The following ASPRV1 variants were observed in gnomAD, a reference collection of about 807,000 sequenced individuals.
The protein encoded by ASPRV1 is aspartic peptidase retroviral like 1.
ASPRV1 carries 7 observed loss-of-function variants against 11.0 expected under a neutral mutation model. That is an observed-to-expected ratio of 0.64 (90% CI 0.36 to 1.20). The LOEUF (loss-of-function observed/expected upper bound fraction) is 1.20. Ranked by LOEUF, ASPRV1 falls within the 50% of genes most tolerant of loss-of-function variation. ASPRV1 has a pLI of 0.02. For missense variants in ASPRV1, 299 were observed against 320.0 expected, an observed-to-expected ratio of 0.93 and a Z score of 0.50; for synonymous variants, 136 against 138.4, an observed-to-expected ratio of 0.98 and a Z score of 0.12.
At chr2:70,022,360 C>T in the ASPRV1 span, among the ~76,000 whole-genome samples, 1 of 89,108 alleles carries the variant, frequency 1.1e-5, no homozygotes, top group Non-Finnish European at 1.9e-5. Flanking sequence ...CACACACACA[C>T]TTACACACAC....
chr2:70,011,125 G>A, the ASPRV1 span, among the ~76,000 whole-genome samples: 2 of 151,962 alleles, frequency 1.3e-5, no homozygotes, highest in Admixed American at 6.6e-5. Context: ...GGTGGGGGGT[G>A]TGGGAAAAGG....
chr2:70,005,606 C>T, the ASPRV1 span, among the ~76,000 whole-genome samples: 7 of 152,092 alleles, frequency 4.6e-5, no homozygotes, highest in African/African-American at 7.2e-5. Flanking sequence ...CAGTTAAATT[C>T]TATCTGGTTT....
At chr2:69,986,577 G>A in the ASPRV1 span, among the ~76,000 whole-genome samples, 1 of 152,212 alleles carries the variant, frequency 6.6e-6, no homozygotes, top group Admixed American at 6.5e-5. Context: ...CAACTTCCCA[G>A]ACCCTCGTTC....
At chr2:70,029,082 G>C in the ASPRV1 span, among the ~76,000 whole-genome samples, 3 of 152,188 alleles carry the variant, frequency 2.0e-5, no homozygotes, top group African/African-American at 7.2e-5. Context: ...GTAGGGGGTA[G>C]GGGACTGGTG....
At chr2:70,005,682 T>C in the ASPRV1 span, among the ~76,000 whole-genome samples, 1 of 145,782 alleles carries the variant, frequency 6.9e-6, no homozygotes, top group African/African-American at 2.6e-5. Flanking sequence ...TAGTAAACTT[T>C]GTAGTGTCTT....
chr2:70,057,221 G>A, the ASPRV1 span, among the ~76,000 whole-genome samples: 9 of 151,638 alleles, frequency 5.9e-5, no homozygotes, highest in East Asian at 1.2e-3. Context: ...GGGCAACACA[G>A]GGAAAACCCA....
chr2:69,981,650 G>A, the ASPRV1 span, among the ~76,000 whole-genome samples: 7 of 152,132 alleles, frequency 4.6e-5, no homozygotes, highest in Non-Finnish European at 7.4e-5. Flanking sequence ...TCCGCCTCCC[G>A]GGTTCGAGCA....
chr2:70,017,645 A>C, the ASPRV1 span, among the ~76,000 whole-genome samples: 1 of 152,206 alleles, frequency 6.6e-6, no homozygotes, highest in Non-Finnish European at 1.5e-5. Context: ...GTAAAGACTC[A>C]CCAAAAAACT....
chr2:70,038,850 G>A, the ASPRV1 span, among the ~76,000 whole-genome samples: 1 of 152,106 alleles, frequency 6.6e-6, no homozygotes, highest in Non-Finnish European at 1.5e-5. Context: ...AAGCCGAGGT[G>A]GGCGGATCAC....
At chr2:70,002,129 C>T in the ASPRV1 span, among the ~76,000 whole-genome samples, 1 of 152,248 alleles carries the variant, frequency 6.6e-6, no homozygotes, top group East Asian at 1.9e-4. Flanking sequence ...TTGTAAGAAA[C>T]ATGGCAGTGT....
At chr2:70,084,527 G>A in the ASPRV1 span, among the ~76,000 whole-genome samples, 1 of 152,160 alleles carries the variant, frequency 6.6e-6, no homozygotes, top group African/African-American at 2.4e-5. Flanking sequence ...CTGTAAAACT[G>A]ACCTAATATC....
At chr2:70,031,250 T>C in the ASPRV1 span, 2 of 152,204 alleles carry the variant, frequency 1.3e-5, no homozygotes, top group Non-Finnish European at 2.9e-5. Flanking sequence ...AAACTTACAA[T>C]TCAGCACTTT....
chr2:69,948,878 G>A, the ASPRV1 span, among the ~76,000 whole-genome samples: 1 of 151,988 alleles, frequency 6.6e-6, no homozygotes, highest in Non-Finnish European at 1.5e-5. Flanking sequence ...ATCAGGCCCT[G>A]TCTACACCCC....
At chr2:70,060,790 C>A in the ASPRV1 span, among the ~76,000 whole-genome samples, 44 of 152,002 alleles carry the variant, frequency 2.9e-4, no homozygotes, top group African/African-American at 1.0e-3. Context: ...CACTCCAGCC[C>A]GGGCAACAAG....
chr2:69,936,427 A>T, the ASPRV1 span, among the ~76,000 whole-genome samples: 1 of 152,168 alleles, frequency 6.6e-6, no homozygotes, highest in Admixed American at 6.5e-5. Flanking sequence ...CTACCTGAAT[A>T]GCAAAGGGTA....
chr2:69,987,749 A>G, the ASPRV1 span, among the ~76,000 whole-genome samples: 1 of 152,108 alleles, frequency 6.6e-6, no homozygotes, highest in African/African-American at 2.4e-5. Context: ...CCCTGTTTCA[A>G]TAAATAAATA....
the ASPRV1 span, among the ~76,000 whole-genome samples, chr2:70,040,552 C>T: frequency 1.3e-5 from 2 of 152,130 alleles, no homozygotes; most frequent in African/African-American, 2.4e-5. Flanking sequence ...TTAGCAAATA[C>T]CGGCTGGGCA....
At chr2:69,965,237 A>G (rs1028089978), upstream of ASPRV1, among the ~76,000 whole-genome samples, 19 of 152,038 alleles carry the variant, frequency 1.2e-4, no homozygotes, top group African/African-American at 4.6e-4. Context: ...GACAGGTTTC[A>G]CCGTGTTAGC....
the ASPRV1 span, among the ~76,000 whole-genome samples, chr2:70,020,907 T>C: frequency 2.6e-5 from 4 of 152,142 alleles, no homozygotes; most frequent in Admixed American, 1.3e-4. Context: ...ATTTTCAAGA[T>C]GAAAAGAATT....
Sources: gnomAD v4.1 joint callset for allele counts (sites outside exome capture counted in the v4.1 genomes callset) on GRCh38, gnomAD v4.1.1 for gene constraint, MANE v1.5 for transcripts, NCBI Gene and HGNC (gene_info 2026-07-23, HGNC 2026-07-21) for gene names.